Variants in CACNA1A observed in about 807,000 individuals in gnomAD.
The protein encoded by CACNA1A is calcium voltage-gated channel subunit alpha1 A, also known as voltage-dependent P/Q-type calcium channel subunit alpha-1A.
CACNA1A carries 57 observed loss-of-function variants against 262.4 expected under a neutral mutation model. That is an observed-to-expected ratio of 0.22 (90% CI 0.18 to 0.27). The LOEUF is 0.27. Ranked by LOEUF, CACNA1A falls within the 10% of genes least tolerant of loss-of-function variation. CACNA1A has a pLI of 1.00. For missense variants in CACNA1A, 2,526 were observed against 3,562.8 expected, an observed-to-expected ratio of 0.71 and a Z score of 7.41; for synonymous variants, 1,431 against 1,419.3, an observed-to-expected ratio of 1.01 and a Z score of -0.18.
At chr19:13,372,837 CAA>C (rs1010236842) in intron 3 of CACNA1A, among the ~76,000 whole-genome samples, 17 of 152,174 alleles carry the variant, frequency 1.1e-4, no homozygotes, top group African/African-American at 4.1e-4. Context: ...AGCCTCTGGT[CAA>C]AAAGAGTCCC....
Position 13,207,678 on chromosome 19 carries a change from C to A in CACNA1A, c.7156G>T (p.Gly2386Cys). ...CCAGATGCCGGCCACCGGGCCCCGC[C>A]GTGTCGACAGGCCCTGGGGGACTCG... Reference protein sequence around the residue: ...RSESPRACRHGGARWPASGPH... With the variant: ...RSESPRACRHCGARWPASGPH... Residue 2386 changes from glycine (G) to cysteine (C), a missense_variant, in exon 47 of 47, where the codon GGC becomes TGC. This residue lies in a region of CACNA1A where 929 missense variants were observed against 868.1 expected (regional missense o/e 1.07). Transcript: ENST00000360228. The surrounding 1 kb of genome is among the most constrained non-coding windows in gnomAD (Gnocchi z 5.7). The A allele has an allele frequency of 7.0e-7, 1 of 1,427,120 alleles. No individual in the cohort carries two copies. The highest frequency in any genetic ancestry group is 1.4e-5 in the South Asian group (1 of 72,024). The allele number at this position is 1,427,120 out of a possible 1,614,324, so 88.4% of individuals were successfully genotyped here. A position where few individuals can be genotyped will look rare whatever the true frequency, so the allele number is the denominator to read the frequency against.
intron 17 of CACNA1A, among the ~76,000 whole-genome samples, chr19:13,302,273 C>T (rs548775996): frequency 1.2e-4 from 18 of 152,288 alleles, no homozygotes; most frequent in African/African-American, 2.4e-4. Flanking sequence ...TGACAAGCTA[C>T]GTATGTTTAC....
At chr19:13,386,993 C>CCAGGCTGGAGTTCAGTGGTG (rs2059626816) in intron 3 of CACNA1A, among the ~76,000 whole-genome samples, 1 of 151,936 alleles carries the variant, frequency 6.6e-6, no homozygotes, top group African/African-American at 2.4e-5. Flanking sequence ...ACTCTGTCGC[C>CCAGGCTGGAGTTCAGTGGTG]CAGGCTGGAG....
At chr19:13,441,172 T>C (rs1287904762) in intron 3 of CACNA1A, among the ~76,000 whole-genome samples, 1 of 151,926 alleles carries the variant, frequency 6.6e-6, no homozygotes, top group East Asian at 1.9e-4. Flanking sequence ...TTCAGGGAGG[T>C]ACAGTAACTT....
At chr19:13,251,772 A>T (rs1313332553) in intron 30 of CACNA1A, among the ~76,000 whole-genome samples, 3 of 151,934 alleles carry the variant, frequency 2.0e-5, no homozygotes, top group Admixed American at 1.3e-4. Context: ...ATTTATTTTT[A>T]TTATTATTAT....
At chr19:13,453,754 C>G (rs886941526) in intron 2 of CACNA1A, among the ~76,000 whole-genome samples, 1 of 152,198 alleles carries the variant, frequency 6.6e-6, no homozygotes, top group African/African-American at 2.4e-5. Flanking sequence ...GAATGTTTTC[C>G]CATCTGTTAC....
intron 31 of CACNA1A, among the ~76,000 whole-genome samples, chr19:13,239,133 C>T (rs2055983635): frequency 1.3e-5 from 2 of 152,078 alleles, no homozygotes; most frequent in African/African-American, 4.8e-5. Flanking sequence ...CCTATCCTCC[C>T]AGGCCCTTCC....
At chr19:13,220,069 C>T (rs1005288927) in intron 38 of CACNA1A, among the ~76,000 whole-genome samples, 3 of 151,880 alleles carry the variant, frequency 2.0e-5, no homozygotes, top group East Asian at 3.9e-4. Flanking sequence ...ACCAGCCTGG[C>T]CAACCTTGTG....
rs780535727 is a variant in CACNA1A at position 13,286,635 on chromosome 19, C to T, written c.3421G>A (p.Glu1141Lys). Residue 1141 changes from glutamate (E) to lysine (K), a missense_variant, in exon 20 of 47, where the codon GAG becomes AAG. Transcript: ENST00000360228. ...PSNPGPPKTP[E>K]NSLIVTNPSG... ...GGGTTGGTGACGATAAGGCTATTCT[C>T]GGGGGTCTTGGGGGGGCCGGGATTG... 1.6e-5 allele frequency: 24 copies of T among 1,528,744 alleles called. No individual in the cohort carries two copies. Among genetic ancestry groups the T allele is most frequent in the Admixed American group, 8.4e-5 (4 of 47,782 alleles). The allele number at this position is 1,528,744 out of a possible 1,614,324, so 94.7% of individuals were successfully genotyped here.
intron 4 of CACNA1A, among the ~76,000 whole-genome samples, chr19:13,368,140 C>T (rs1266045021): frequency 7.9e-5 from 12 of 151,844 alleles, no homozygotes; most frequent in Non-Finnish European, 2.9e-5. Flanking sequence ...CGTGGTGAAA[C>T]CCTGTCTCTA....
intron 1 of CACNA1A, among the ~76,000 whole-genome samples, chr19:13,492,855 C>T (rs763135602): frequency 2.0e-5 from 3 of 152,184 alleles, no homozygotes; most frequent in African/African-American, 2.4e-5. Context: ...AATGAATGAA[C>T]GCACTCCTTC....
Position 13,239,811 on chromosome 19 carries a change from A to G in CACNA1A, c.4951-4081T>C, listed in dbSNP as rs557889882. On this transcript the variant is annotated intron_variant, in intron 31 of 46. Transcript: ENST00000360228. ...AGTGTGTGTGTGTGTGCATGCGTGCATGCATGCATGACTGTATGTGAGAGA... is the reference window on the plus strand; with the variant it reads ...AGTGTGTGTGTGTGTGCATGCGTGCGTGCATGCATGACTGTATGTGAGAGA... 7.9e-5 allele frequency among the ~76,000 whole-genome samples: 12 copies of G among 151,960 alleles called. 1 individual carries two copies. Among genetic ancestry groups the G allele is most frequent in the Non-Finnish European group, 1.5e-4 (10 of 67,930 alleles).
rs1327299597 is a variant in CACNA1A at position 13,326,561 on chromosome 19, G to C, written c.1345+3683C>G. Reference sequence around the variant, plus strand: ...ACTGCTTTGGGAGGTGGAGGTAGGAGGATTGTTTGAGGCCAGGAGTTTGAG... The same window carrying C: ...ACTGCTTTGGGAGGTGGAGGTAGGACGATTGTTTGAGGCCAGGAGTTTGAG... On this transcript the variant is annotated intron_variant, in intron 10 of 46. Coordinates refer to ENST00000360228, the MANE Select transcript of CACNA1A (RefSeq NM_001127222.2). 2.0e-5 allele frequency among the ~76,000 whole-genome samples: 3 copies of C among 150,772 alleles called. No homozygotes were observed. In the East Asian group the frequency reaches 6.0e-4, roughly 30 times the overall value.
chr19:13,466,876 C>CTTT lies in CACNA1A; in HGVS notation c.294-11665_294-11664insAAA, dbSNP rs1311484378. On this transcript the variant is annotated intron_variant, in intron 1 of 46. Coordinates refer to ENST00000360228, the MANE Select transcript of CACNA1A (RefSeq NM_001127222.2). ...TCCTTCCCTCTCTCTTTTAAATTTC[C>CTTT]ATTATTTATTTATTTATTTATTTAT... 7.6e-5 allele frequency among the ~76,000 whole-genome samples: 8 copies of CTTT among 105,086 alleles called. No individual in the cohort carries two copies. In the East Asian group the frequency reaches 1.9e-3, roughly 24 times the overall value. 68.9% of individuals were successfully genotyped at this position (105,086 alleles called of 152,430 possible).
chr19:13,496,643 C>G (rs1981568424), intron 1 of CACNA1A, among the ~76,000 whole-genome samples: 1 of 152,098 alleles, frequency 6.6e-6, no homozygotes, highest in Non-Finnish European at 1.5e-5. Flanking sequence ...AATGGGTTAA[C>G]AACACAGACG....
At chr19:13,291,268 G>A (rs770841063) in intron 19 of CACNA1A, among the ~76,000 whole-genome samples, 1 of 152,050 alleles carries the variant, frequency 6.6e-6, no homozygotes, top group African/African-American at 2.4e-5. Flanking sequence ...CCCTGAGATC[G>A]GATTATGTGG....
At chr19:13,336,858 C>T (rs911982129) in intron 6 of CACNA1A, among the ~76,000 whole-genome samples, 2 of 152,160 alleles carry the variant, frequency 1.3e-5, no homozygotes, top group African/African-American at 2.4e-5. Flanking sequence ...TTGCACTAAC[C>T]ACCTGGCCCC....
intron 3 of CACNA1A, among the ~76,000 whole-genome samples, chr19:13,436,566 CTCAT>C (rs1568643146): frequency 1.3e-5 from 2 of 152,100 alleles, no homozygotes; most frequent in Non-Finnish European, 2.9e-5. Flanking sequence ...CATCCACTCA[CTCAT>C]TCATTCACTC....
intron 5 of CACNA1A, among the ~76,000 whole-genome samples, 152 bp from the exon 6 acceptor site, chr19:13,359,951 G>C (rs562855811): frequency 4.0e-5 from 6 of 151,646 alleles, no homozygotes; most frequent in African/African-American, 1.2e-4. Context: ...TGGCTTTGGG[G>C]GTCTATTATT....
Sources: allele counts gnomAD v4.1 joint callset (sites outside exome capture counted in the v4.1 genomes callset), GRCh38; gene constraint gnomAD v4.1.1; regional missense constraint gnomAD v4.1.1; non-coding constraint Gnocchi (gnomAD v3.1); transcripts MANE v1.5; gene names NCBI Gene and HGNC (gene_info 2026-07-23, HGNC 2026-07-21).